Variants in GRID2 observed in about 807,000 individuals in gnomAD.
GRID2 encodes the protein glutamate ionotropic receptor delta type subunit 2, also known as glutamate receptor ionotropic, delta-2.
Under a neutral mutation model 114.8 loss-of-function variants are expected in GRID2, and 33 were observed. The observed-to-expected ratio is 0.29, with a 90% CI of 0.22 to 0.38. GRID2 has a LOEUF of 0.38. Ranked by LOEUF, GRID2 falls within the 10% of genes least tolerant of loss-of-function variation. The pLI is 1.00. For missense variants in GRID2, 1,184 were observed against 1,257.7 expected (o/e 0.94, Z 0.89); for synonymous variants, 505 against 449.9 (o/e 1.12, Z -1.55).
intron 11 of GRID2, among the ~76,000 whole-genome samples, chr4:93,468,283 G>T (rs1314015719): frequency 6.6e-6 from 1 of 152,096 alleles, no homozygotes; most frequent in African/African-American, 2.4e-5. Context: ...TGTTGGGGCT[G>T]TATTCATGAG....
At chr4:92,598,275 T>G (rs151150173) in intron 2 of GRID2, among the ~76,000 whole-genome samples, 96 of 152,292 alleles carry the variant, frequency 6.3e-4, no homozygotes, top group African/African-American at 2.2e-3. Flanking sequence ...TGCCAACTAC[T>G]CTGCACACTG....
chr4:92,572,194 A>T (rs1727660335), intron 1 of GRID2, among the ~76,000 whole-genome samples: 1 of 152,160 alleles, frequency 6.6e-6, no homozygotes, highest in Non-Finnish European at 1.5e-5. Flanking sequence ...AAAATGATAA[A>T]GGGGATATCA....
intron 2 of GRID2, among the ~76,000 whole-genome samples, chr4:92,672,999 CACCAGTTT>C (rs1419528498): frequency 6.6e-6 from 1 of 152,106 alleles, no homozygotes; most frequent in African/African-American, 2.4e-5. Context: ...TTTCTGGAAC[CACCAGTTT>C]ACTCTCTTAT....
chr4:92,894,430 A>G (rs562903216), intron 2 of GRID2, among the ~76,000 whole-genome samples: 28 of 152,252 alleles, frequency 1.8e-4, no homozygotes, highest in Non-Finnish European at 3.5e-4. Flanking sequence ...GTAGGTCTAC[A>G]TTTTATAAGA....
chr4:92,787,119 A>C (rs1429105136), intron 2 of GRID2, among the ~76,000 whole-genome samples: 1 of 151,876 alleles, frequency 6.6e-6, no homozygotes, highest in Admixed American at 6.6e-5. Flanking sequence ...AACATACCAA[A>C]TAGTGTAGTC....
At chr4:92,911,422 A>T (rs190329630) in intron 2 of GRID2, among the ~76,000 whole-genome samples, 11 of 152,138 alleles carry the variant, frequency 7.2e-5, no homozygotes, top group Admixed American at 5.9e-4. Context: ...TGTAACAAAA[A>T]CACTTAAAGT....
intron 13 of GRID2, among the ~76,000 whole-genome samples, chr4:93,557,772 C>T (rs986646231): frequency 7.9e-5 from 12 of 152,326 alleles, no homozygotes; most frequent in Admixed American, 7.2e-4. Flanking sequence ...CACCCCAAAT[C>T]AACAGAACAT....
chr4:93,528,884 C>T (rs1731183435), intron 13 of GRID2, among the ~76,000 whole-genome samples: 1 of 152,106 alleles, frequency 6.6e-6, no homozygotes, highest in African/African-American at 2.4e-5. Flanking sequence ...GAACTCATCA[C>T]AGTTATGGAG....
At chr4:93,333,434 G>A (rs1758707884) in intron 8 of GRID2, among the ~76,000 whole-genome samples, 1 of 152,124 alleles carries the variant, frequency 6.6e-6, no homozygotes. Context: ...TTTTCAGTGT[G>A]TCTCTCCTTT....
At chr4:93,124,434 C>G (rs1310451554) in intron 4 of GRID2, among the ~76,000 whole-genome samples, 2 of 152,112 alleles carry the variant, frequency 1.3e-5, no homozygotes, top group Non-Finnish European at 2.9e-5. Flanking sequence ...TTGCTTAGTA[C>G]ATAAATGGCA....
intron 2 of GRID2, among the ~76,000 whole-genome samples, chr4:92,662,281 T>C (rs1237821334): frequency 6.6e-6 from 1 of 151,034 alleles, no homozygotes; most frequent in Non-Finnish European, 1.5e-5. Context: ...AACGGGCCTC[T>C]AAGTAGAAGG....
chr4:92,411,373 T>C (rs1054543882), intron 1 of GRID2, among the ~76,000 whole-genome samples: 1 of 152,068 alleles, frequency 6.6e-6, no homozygotes, highest in East Asian at 1.9e-4. Flanking sequence ...TGTGTCTTTC[T>C]GTGCAATGAC....
chr4:93,031,383 A>C (rs1724422932), intron 2 of GRID2, among the ~76,000 whole-genome samples: 1 of 152,026 alleles, frequency 6.6e-6, no homozygotes, highest in Non-Finnish European at 1.5e-5. Context: ...AAAAATCCAC[A>C]ATCTTTAGAA....
At chr4:92,895,743 A>G (rs1747121563) in intron 2 of GRID2, among the ~76,000 whole-genome samples, 1 of 152,162 alleles carries the variant, frequency 6.6e-6, no homozygotes, top group Non-Finnish European at 1.5e-5. Context: ...GGCACTTTAT[A>G]TAAATTTCCT....
At chr4:93,767,696 A>G (rs1162391448) in intron 14 of GRID2, among the ~76,000 whole-genome samples, 1 of 152,102 alleles carries the variant, frequency 6.6e-6, no homozygotes, top group Non-Finnish European at 1.5e-5. Flanking sequence ...AATGCACAAA[A>G]TCTTCTTCCC....
chr4:93,758,962 A>G (rs1012621419), intron 14 of GRID2, among the ~76,000 whole-genome samples: 1 of 150,314 alleles, frequency 6.7e-6, no homozygotes, highest in Non-Finnish European at 1.5e-5. Context: ...TCTCTTTCCA[A>G]TTGCAATTAT....
intron 2 of GRID2, among the ~76,000 whole-genome samples, chr4:93,031,099 T>G (rs1051741097): frequency 6.9e-6 from 1 of 145,984 alleles, no homozygotes; most frequent in South Asian, 2.2e-4. Flanking sequence ...TGCAGTGGCA[T>G]GGTCTTGGCT....
intron 2 of GRID2, among the ~76,000 whole-genome samples, chr4:92,650,583 A>G (rs752348381): frequency 7.2e-5 from 11 of 151,982 alleles, no homozygotes; most frequent in Non-Finnish European, 1.3e-4. Flanking sequence ...TGATTCAGAT[A>G]CATGAGAAGT....
chr4:92,466,610 C>CTGG (rs1721763944), intron 1 of GRID2, among the ~76,000 whole-genome samples: 1 of 151,704 alleles, frequency 6.6e-6, no homozygotes, highest in Non-Finnish European at 1.5e-5. Context: ...TTACTCATTT[C>CTGG]CTTGGTTTCT....
Sources: gnomAD v4.1 joint callset for allele counts (sites outside exome capture counted in the v4.1 genomes callset) on GRCh38, gnomAD v4.1.1 for gene constraint, MANE v1.5 for transcripts, NCBI Gene and HGNC (gene_info 2026-07-23, HGNC 2026-07-21) for gene names.